Variants in TYW1 observed in about 807,000 individuals in gnomAD.
TYW1 encodes the protein tRNA-yW synthesizing protein 1 homolog.
TYW1 carries 46 observed loss-of-function variants against 96.2 expected under a neutral mutation model. The ratio of observed to expected loss-of-function variants is 0.48; its 90% CI spans 0.38 to 0.61. The LOEUF is 0.61. Among genes scored for constraint, TYW1 ranks in the 20% least tolerant of loss-of-function variants. TYW1 has a pLI of 0.00. For missense variants in TYW1, 684 were observed against 909.6 expected, an observed-to-expected ratio of 0.75 and a Z score of 3.19; for synonymous variants, 274 against 323.0, an observed-to-expected ratio of 0.85 and a Z score of 1.63.
intron 15 of TYW1, among the ~76,000 whole-genome samples, chr7:67,225,404 T>A (rs1801529906): frequency 6.6e-6 from 1 of 152,252 alleles, no homozygotes; most frequent in African/African-American, 2.4e-5. Context: ...TCCATGATCA[T>A]TAGCTCTGAG....
chr7:67,035,090 C>G (rs1198341777), intron 7 of TYW1, among the ~76,000 whole-genome samples: 1 of 150,212 alleles, frequency 6.7e-6, no homozygotes, highest in South Asian at 2.1e-4. Context: ...TGCATTTTTT[C>G]TTTCTTTTTT....
Position 67,049,990 on chromosome 7 carries a change from G to C in TYW1, c.1026G>C (p.Arg342Ser). ...AGGAAGAGAAGTCTGGTTTGTTCAG[G>C]AACATGGGGAGGAATGAAGATGGTG... ...EQQEEKSGLF[R>S]NMGRNEDGER... The change falls in exon 8 of 16, where the codon AGG (arginine) becomes AGC (serine). Residue 342 changes from arginine (R) to serine (S), a missense_variant. Physicochemically the swap from Arg to Ser is moderately radical, Grantham distance 110. Coordinates refer to ENST00000359626, the MANE Select transcript of TYW1 (RefSeq NM_018264.4). 1 of 1,614,050 alleles carries C rather than the reference G, an allele frequency of 6.2e-7. No individual in the cohort carries two copies. Among genetic ancestry groups the C allele is most frequent in the Non-Finnish European group, 8.5e-7 (1 of 1,180,000 alleles).
In TYW1 at chr7:67,157,418, T is replaced by C. The variant is rs575672517; in HGVS notation, c.1699-25708T>C. Reference sequence around the variant, plus strand: ...CTCCTGCCTCAGCCTCCCGAGTAGCTGGGATTGCAGGTGTCAACCACCATG... The same window carrying C: ...CTCCTGCCTCAGCCTCCCGAGTAGCCGGGATTGCAGGTGTCAACCACCATG... On this transcript the variant is annotated intron_variant, in intron 13 of 15. Transcript: ENST00000359626. Among the ~76,000 whole-genome samples, 172 of 152,262 alleles carry C rather than the reference T, an allele frequency of 1.1e-3. 1 individual carries two copies. In the Middle Eastern group the frequency reaches 0.017, roughly 15 times the overall value.
At chr7:67,043,774 C>G (rs1795100172) in intron 7 of TYW1, among the ~76,000 whole-genome samples, 1 of 152,072 alleles carries the variant, frequency 6.6e-6, no homozygotes, top group Non-Finnish European at 1.5e-5. Context: ...GTAGGTTATC[C>G]AAAATAGAAT....
intron 6 of TYW1, among the ~76,000 whole-genome samples, chr7:67,018,398 A>G (rs550421609): frequency 5.3e-5 from 8 of 151,842 alleles, no homozygotes; most frequent in African/African-American, 9.7e-5. Context: ...AAATTTAGCA[A>G]GGCATGGTGG....
intron 15 of TYW1, among the ~76,000 whole-genome samples, chr7:67,230,376 A>G (rs1387349924): frequency 7.2e-6 from 1 of 138,394 alleles, no homozygotes; most frequent in Admixed American, 7.5e-5. Context: ...TCTTGGATAC[A>G]GTCACCACTA....
chr7:67,035,368 G>A (rs1343479717), intron 7 of TYW1, among the ~76,000 whole-genome samples: 5 of 151,902 alleles, frequency 3.3e-5, no homozygotes, highest in East Asian at 3.9e-4. Context: ...CACCCGCCTC[G>A]GTCTCCCAAA....
chr7:67,037,127 G>A (rs1210455213), intron 7 of TYW1, among the ~76,000 whole-genome samples: 1 of 152,182 alleles, frequency 6.6e-6, no homozygotes, highest in African/African-American at 2.4e-5. Flanking sequence ...ATTTTGGGCT[G>A]ATACCACATT....
At chr7:67,227,799 A>G (rs746197851) in intron 15 of TYW1, among the ~76,000 whole-genome samples, 8 of 152,208 alleles carry the variant, frequency 5.3e-5, no homozygotes, top group Non-Finnish European at 8.8e-5. Context: ...AGCTCTGTCT[A>G]TAACCCCTCT....
At chr7:67,053,494 C>T (rs1306441427) in intron 8 of TYW1, among the ~76,000 whole-genome samples, 1 of 151,914 alleles carries the variant, frequency 6.6e-6, no homozygotes, top group South Asian at 2.1e-4. Flanking sequence ...ATTCTCCTGC[C>T]TCAGCCTCCC....
chr7:67,065,266 C>T (rs1476309389), intron 9 of TYW1, among the ~76,000 whole-genome samples: 1 of 152,184 alleles, frequency 6.6e-6, no homozygotes, highest in Non-Finnish European at 1.5e-5. Context: ...TTCACGTGAC[C>T]TCACTTAACC....
chr7:67,171,373 A>G (rs1799508009), intron 13 of TYW1, among the ~76,000 whole-genome samples: 1 of 151,668 alleles, frequency 6.6e-6, no homozygotes. Context: ...TCTGTTCTCT[A>G]TTTCTTTTAC....
chr7:67,098,482 T>C (rs1796986635), intron 11 of TYW1, 59 bp from the exon 12 acceptor site: 17 of 1,478,286 alleles, frequency 1.1e-5, no homozygotes, highest in Non-Finnish European at 1.5e-5. Flanking sequence ...AAGAAAAACG[T>C]AAGTGACATC....
At chr7:67,111,015 TAAAAAG>T (rs1164838745) in intron 12 of TYW1, among the ~76,000 whole-genome samples, 1 of 151,312 alleles carries the variant, frequency 6.6e-6, no homozygotes, top group Non-Finnish European at 1.5e-5. Flanking sequence ...AAAAAATAAA[TAAAAAG>T]AAAATGTCTA....
At chr7:67,227,794 T>A (rs902704243) in intron 15 of TYW1, among the ~76,000 whole-genome samples, 2 of 152,212 alleles carry the variant, frequency 1.3e-5, no homozygotes, top group Admixed American at 1.3e-4. Flanking sequence ...AAGTTAGCTC[T>A]GTCTATAACC....
At chr7:67,129,653 G>A (rs980367214) in intron 13 of TYW1, among the ~76,000 whole-genome samples, 2 of 152,156 alleles carry the variant, frequency 1.3e-5, no homozygotes, top group Admixed American at 6.5e-5. Flanking sequence ...CAGTGATGAC[G>A]TCCAAGCAAC....
chr7:67,018,881 G>T (rs561054991), intron 6 of TYW1, among the ~76,000 whole-genome samples: 1 of 150,590 alleles, frequency 6.6e-6, no homozygotes, highest in African/African-American at 2.4e-5. Flanking sequence ...GCTTGAACCC[G>T]GGAGGTGGAG....
At chr7:67,067,800 G>A (rs112466496) in intron 10 of TYW1, among the ~76,000 whole-genome samples, 2 of 152,078 alleles carry the variant, frequency 1.3e-5, no homozygotes, top group African/African-American at 2.4e-5. Flanking sequence ...ATGCTAAGGT[G>A]TCAGCTTGGG....
At chr7:67,222,866 CTTT>C (rs570972265) in intron 15 of TYW1, among the ~76,000 whole-genome samples, 5 of 109,628 alleles carry the variant, frequency 4.6e-5, no homozygotes, top group Non-Finnish European at 7.4e-5. Context: ...CGCTTTTTTT[CTTT>C]TTTTTTTTTT....
Sources: gnomAD v4.1 joint callset for allele counts (sites outside exome capture counted in the v4.1 genomes callset) on GRCh38, gnomAD v4.1.1 for gene constraint, MANE v1.5 for transcripts, NCBI Gene and HGNC (gene_info 2026-07-23, HGNC 2026-07-21) for gene names.